USP37: variants seen among roughly 807,000 people sequenced by gnomAD.
The protein encoded by USP37 is ubiquitin specific peptidase 37, also known as ubiquitin carboxyl-terminal hydrolase 37.
A neutral mutation model predicts 124.0 loss-of-function variants in USP37; 27 were observed. The ratio of observed to expected loss-of-function variants is 0.22; its 90% CI spans 0.16 to 0.30. The LOEUF is 0.30. Among genes scored for constraint, USP37 ranks in the 10% least tolerant of loss-of-function variants. The pLI is 1.00. For missense variants in USP37, 889 were observed against 1,140.4 expected (o/e 0.78, Z 3.17); for synonymous variants, 365 against 388.0 (o/e 0.94, Z 0.70).
rs189448344 is a variant in USP37 at position 218,540,959 on chromosome 2, A to C, written c.680+5262T>G. 3.3e-5 allele frequency among the ~76,000 whole-genome samples: 5 copies of C among 152,316 alleles called. No homozygotes were observed. In the East Asian group the frequency reaches 5.8e-4, roughly 18 times the overall value. On this transcript the variant is annotated intron_variant, in intron 8 of 25. Transcript: ENST00000258399. ...TCCTACCACATACAGTATTACCCCA[A>C]AGCTGCTGGCCTGATAAAGTGCTGC...
rs139197423 is a variant in USP37, at chr2:218,496,379, C to A, written c.1282-429G>T. ...AACATTATAATTTATACAGTGAAAA[C>A]CCTTGAAAGTCAATGACATATGTGA... On this transcript the variant is annotated intron_variant, in intron 13 of 25. Coordinates refer to ENST00000258399, the MANE Select transcript of USP37 (RefSeq NM_020935.3). 1.1e-3 allele frequency among the ~76,000 whole-genome samples: 161 copies of A among 151,958 alleles called. 2 individuals are homozygous for A. The highest frequency in any genetic ancestry group is 3.7e-3 in the African/African-American group (153 of 41,452).
At chr2:218,475,460 C>T (rs1437036918) in intron 19 of USP37, among the ~76,000 whole-genome samples, 1 of 151,952 alleles carries the variant, frequency 6.6e-6, no homozygotes, top group Non-Finnish European at 1.5e-5. Context: ...TTAGGCTGGG[C>T]GTGGTGGCTC....
intron 20 of USP37, among the ~76,000 whole-genome samples, chr2:218,471,493 G>A (rs1445811355): frequency 1.3e-5 from 2 of 152,164 alleles, no homozygotes; most frequent in Non-Finnish European, 2.9e-5. Context: ...CTCACAAACT[G>A]ATGAAATATC....
chr2:218,515,943 G>A (rs914357114), intron 10 of USP37, among the ~76,000 whole-genome samples: 7 of 92,402 alleles, frequency 7.6e-5, no homozygotes, highest in Admixed American at 1.3e-4. Context: ...AAAAAAGCTC[G>A]TCATCACTGG....
chr2:218,521,876 T>G (rs1379003199), intron 10 of USP37, among the ~76,000 whole-genome samples: 1 of 152,132 alleles, frequency 6.6e-6, no homozygotes, highest in Non-Finnish European at 1.5e-5. Flanking sequence ...CCACTTAACG[T>G]TGTCTTTTCC....
chr2:218,494,712 A>T (rs933789981), intron 14 of USP37, among the ~76,000 whole-genome samples: 1 of 152,224 alleles, frequency 6.6e-6, no homozygotes, highest in Non-Finnish European at 1.5e-5. Context: ...TCTGAAAAAA[A>T]TCTATTCAGA....
chr2:218,465,037 C>G (rs966976550), intron 21 of USP37, among the ~76,000 whole-genome samples: 4 of 152,070 alleles, frequency 2.6e-5, no homozygotes, highest in Non-Finnish European at 4.4e-5. Context: ...AATGATCAAG[C>G]CACTACATTC....
At position 218,481,993 on chromosome 2, in the gene USP37, A is replaced by G. The variant is rs543899709; in HGVS notation, c.1835+77T>C. 279 of 1,451,080 alleles carry G rather than the reference A, an allele frequency of 1.9e-4. No individual in the cohort carries two copies. In the African/African-American group the frequency reaches 3.7e-3, roughly 19 times the overall value. 89.9% of individuals were successfully genotyped at this position (1,451,080 alleles called of 1,614,324 possible). A position where few individuals can be genotyped will look rare whatever the true frequency, so the allele number is the denominator to read the frequency against. ...ACCTTGGAGTCATATTATGTAATTC[A>G]GTCATTCTTTTGATTAGATACTAAA... On this transcript the variant is annotated intron_variant, in intron 17 of 25. Coordinates refer to ENST00000258399, the MANE Select transcript of USP37 (RefSeq NM_020935.3).
intron 8 of USP37, among the ~76,000 whole-genome samples, chr2:218,544,442 G>T (rs1692211704): frequency 7.2e-6 from 1 of 139,468 alleles, no homozygotes; most frequent in South Asian, 2.3e-4. Context: ...GAGAGAGAGA[G>T]AGAGAGAGAG....
intron 1 of USP37, among the ~76,000 whole-genome samples, chr2:218,566,885 T>G (rs1290635341): frequency 6.6e-6 from 1 of 152,124 alleles, no homozygotes; most frequent in Admixed American, 6.5e-5. Context: ...CTGTGTCATG[T>G]GCCACTTAAT....
At position 218,534,688 on chromosome 2, in the gene USP37, T is replaced by G. The variant is rs1246374633; in HGVS notation, c.699A>C (p.Thr233=). The G allele has an allele frequency of 1.2e-6, 2 of 1,606,014 alleles. No homozygotes were observed. The highest frequency in any genetic ancestry group is 1.7e-6 in the Non-Finnish European group (2 of 1,176,240). The change falls in exon 9 of 26, where the codon ACA becomes ACC. Residue 233 remains threonine, a synonymous_variant. Transcript: ENST00000258399. ...NDSSSNNKAM[T]DPSRKYLTSS... The stretch of plus-strand genomic sequence containing the variant: ...TGGTTAAATACTTTCTGGAGGGATC[T>G]GTCATGGCCTTGTTGTTCCTATAGT...
chr2:218,565,448 TA>T (rs1277317156), intron 1 of USP37, among the ~76,000 whole-genome samples: 2 of 152,240 alleles, frequency 1.3e-5, no homozygotes, highest in Non-Finnish European at 2.9e-5. Context: ...AAAGCTGACC[TA>T]AAGTTTATCT....
At chr2:218,461,430 C>T (rs1690010027) in intron 22 of USP37, among the ~76,000 whole-genome samples, 1 of 151,612 alleles carries the variant, frequency 6.6e-6, no homozygotes, top group Non-Finnish European at 1.5e-5. Context: ...CGCTTGAACT[C>T]AGGAGGCAGA....
At chr2:218,539,022 C>T (rs183933018) in intron 8 of USP37, among the ~76,000 whole-genome samples, 4 of 152,206 alleles carry the variant, frequency 2.6e-5, no homozygotes, top group Admixed American at 1.3e-4. Context: ...GGCTGGAATG[C>T]AGTGGTGTGA....
At chr2:218,557,019 T>G (rs190432855) in intron 4 of USP37, among the ~76,000 whole-genome samples, 1 of 152,000 alleles carries the variant, frequency 6.6e-6, no homozygotes, top group East Asian at 1.9e-4. Context: ...CATACCAACA[T>G]GCTTGGCTAT....
At chr2:218,544,431 A>G (rs1185013001) in intron 8 of USP37, among the ~76,000 whole-genome samples, 3 of 36,202 alleles carry the variant, frequency 8.3e-5, no homozygotes, top group Admixed American at 2.9e-4. Context: ...ATATATATAT[A>G]GAGAGAGAGA....
At chr2:218,463,530 CTTTT>C (rs778154896) in intron 21 of USP37, among the ~76,000 whole-genome samples, 164 bp from the exon 22 acceptor site, 12 of 99,098 alleles carry the variant, frequency 1.2e-4, no homozygotes, top group Admixed American at 3.3e-4. Flanking sequence ...AAGTTCTTTA[CTTTT>C]TTTTTTTTTT....
Position 218,553,719 on chromosome 2 carries a change from A to G in USP37, c.162T>C (p.Ser54=), listed in dbSNP as rs1692790254. The G allele has an allele frequency of 1.2e-6, 2 of 1,606,376 alleles. No individual in the cohort carries two copies. The highest frequency in any genetic ancestry group is 2.2e-5 in the South Asian group (2 of 89,960). ...TGGIPRIFQL[S]HNIKNVVLRP... is the part of the protein sequence containing the mutation. Reference sequence around the variant, plus strand: ...GAAGCACCACATTTTTAATGTTATGACTTAGCTAATCAAGACAAAAGGAAA... The same window carrying G: ...GAAGCACCACATTTTTAATGTTATGGCTTAGCTAATCAAGACAAAAGGAAA... The change falls in exon 5 of 26, where the codon AGT becomes AGC. Residue 54 remains serine (S), a synonymous_variant. Coordinates refer to ENST00000258399, the MANE Select transcript of USP37 (RefSeq NM_020935.3).
At position 218,452,144 on chromosome 2, in the gene USP37, G is replaced by C. The variant is rs1290513319; in HGVS notation, c.*2786C>G. The stretch of plus-strand genomic sequence containing the variant: ...ATTTTTCCCTTAAAATTCCAACAAA[G>C]ATCAAAAGGTTGTATCTAGAACTAA... On this transcript the variant is annotated 3_prime_UTR_variant, in exon 26 of 26. Transcript: ENST00000258399. The C allele has an allele frequency of 6.6e-6, 1 of 152,132 alleles. No individual in the cohort carries two copies. Among genetic ancestry groups the C allele is most frequent in the Non-Finnish European group, 1.5e-5 (1 of 68,006 alleles). The allele number at this position is 152,132 out of a possible 1,614,324, so 9.4% of individuals were successfully genotyped here. A position where few individuals can be genotyped will look rare whatever the true frequency, so the allele number is the denominator to read the frequency against.
Sources: allele counts gnomAD v4.1 joint callset (sites outside exome capture counted in the v4.1 genomes callset), GRCh38; gene constraint gnomAD v4.1.1; transcripts MANE v1.5; gene names NCBI Gene and HGNC (gene_info 2026-07-23, HGNC 2026-07-21).